The following MAPK8 variants were observed in gnomAD, a reference collection of about 807,000 sequenced individuals.
The protein encoded by MAPK8 is JUN N-terminal kinase.
In MAPK8, 13 loss-of-function variants were observed where a neutral mutation model predicts 52.9. That is an observed-to-expected ratio of 0.25 (90% CI 0.16 to 0.39). The LOEUF is 0.39. Ranked by LOEUF, MAPK8 falls within the 10% of genes least tolerant of loss-of-function variation. The pLI, the probability that MAPK8 is intolerant of heterozygous loss-of-function variation, is 1.00. For synonymous variants in MAPK8, 191 were observed against 169.8 expected (o/e 1.12, Z -0.97); for missense variants, 300 against 519.2 (o/e 0.58, Z 4.10).
At chr10:48,411,860 TTCCCC>T (rs201982590) in intron 5 of MAPK8, among the ~76,000 whole-genome samples, 2,580 of 117,766 alleles carry the variant, frequency 0.022, 111 homozygotes, top group African/African-American at 0.079. Flanking sequence ...CTCTCCTCTC[TTCCCC>T]TCCCCTCCCC....
At position 48,431,285 on chromosome 10, in the gene MAPK8, A is replaced by G; in HGVS notation, c.1138+15A>G. ...CTCTCCTTTAGGTTGGTTACAATAT[A>G]AGCTTGGTTAAGATTACAGTTTACT... On this transcript the variant is annotated intron_variant, in intron 11 of 11. Transcript: ENST00000374189. 6.4e-7 allele frequency: 1 copy of G among 1,571,350 alleles called. No homozygotes were observed. Among genetic ancestry groups the G allele is most frequent in the Non-Finnish European group, 8.7e-7 (1 of 1,144,570 alleles).
intron 1 of MAPK8, among the ~76,000 whole-genome samples, chr10:48,325,168 G>T (rs536507646): frequency 2.6e-5 from 4 of 152,098 alleles, no homozygotes; most frequent in Admixed American, 2.0e-4. Flanking sequence ...TAGAGATGGG[G>T]TTTCACCATA....
At chr10:48,312,986 T>G (rs1842117068) in intron 1 of MAPK8, among the ~76,000 whole-genome samples, 2 of 152,234 alleles carry the variant, frequency 1.3e-5, no homozygotes, top group South Asian at 2.1e-4. Flanking sequence ...AAGTATATAA[T>G]CCTTTGTTCA....
chr10:48,317,949 C>A (rs1409617673), intron 1 of MAPK8, among the ~76,000 whole-genome samples: 1 of 151,438 alleles, frequency 6.6e-6, no homozygotes, highest in Non-Finnish European at 1.5e-5. Flanking sequence ...ACCCCCCACC[C>A]CCCCAGCATT....
chr10:48,315,724 CT>C (rs541929649), intron 1 of MAPK8, among the ~76,000 whole-genome samples: 71 of 150,586 alleles, frequency 4.7e-4, no homozygotes, highest in African/African-American at 1.7e-3. Context: ...AATAAGCCCC[CT>C]GTAGAATATT....
Position 48,387,582 on chromosome 10 carries a change from A to G in MAPK8, c.-49-14030A>G, listed in dbSNP as rs543484563. ...GCTTATGGTAGTGACATTTTATTAT[A>G]CATGAATTTAACTTTTGAATATCCA... is the stretch of plus-strand genomic sequence containing the variant. On this transcript the variant is annotated intron_variant, in intron 1 of 11. Transcript: ENST00000374189. Among the ~76,000 whole-genome samples, 3 of 152,298 alleles carry G rather than the reference A, an allele frequency of 2.0e-5. No homozygotes were observed. The South Asian group carries it at 6.2e-4, about 32-fold the overall frequency.
intron 10 of MAPK8, among the ~76,000 whole-genome samples, chr10:48,429,173 G>C (rs1236969119): frequency 2.0e-5 from 3 of 152,018 alleles, no homozygotes; most frequent in Non-Finnish European, 2.9e-5. Context: ...GTGTTGTCCA[G>C]GTCATAGACT....
chr10:48,350,716 A>G (rs963789768), intron 1 of MAPK8, among the ~76,000 whole-genome samples: 1 of 152,220 alleles, frequency 6.6e-6, no homozygotes, highest in Admixed American at 6.5e-5. Context: ...CAAGGCAAGG[A>G]TGTCCTCTCT....
chr10:48,314,542 A>G lies in MAPK8; in HGVS notation c.-50+7721A>G, dbSNP rs190789778. On this transcript the variant is annotated intron_variant, in intron 1 of 11. Coordinates refer to ENST00000374189, the MANE Select transcript of MAPK8 (RefSeq NM_001323329.2). ...CATACGTCGTGTTGCACTTAAATGC[A>G]TAGGATAAATTTCCAGAGGTAGAGT... Among the ~76,000 whole-genome samples the G allele has an allele frequency of 1.2e-4, 19 of 152,332 alleles. 1 individual carries two copies. The highest frequency in any genetic ancestry group is 6.8e-3 in the Middle Eastern group (2 of 294).
At position 48,399,849 on chromosome 10, in the gene MAPK8, GTTTAAC is replaced by G. The variant is rs948709855; in HGVS notation, c.-49-1762_-49-1757del. Among the ~76,000 whole-genome samples, 158 of 152,272 alleles carry G rather than the reference GTTTAAC, an allele frequency of 1.0e-3. 1 individual carries two copies. The highest frequency in any genetic ancestry group is 3.6e-3 in the African/African-American group (150 of 41,558). Reference sequence around the variant, plus strand: ...GGTAGTCTGAATGCTTGGGTGGAAGGTTTAACCTTCCCAAAGGTGAAAACACCATCA... The same window carrying G: ...GGTAGTCTGAATGCTTGGGTGGAAGGCTTCCCAAAGGTGAAAACACCATCA... On this transcript the variant is annotated intron_variant, in intron 1 of 11. Transcript: ENST00000374189.
At chr10:48,356,841 C>CAAAAAAAAAAAAAAAAAAAAA (rs869186711) in intron 1 of MAPK8, among the ~76,000 whole-genome samples, 3 of 30,278 alleles carry the variant, frequency 9.9e-5, no homozygotes, top group Non-Finnish European at 2.0e-4. Flanking sequence ...GACTCCGTCT[C>CAAAAAAAAAAAAAAAAAAAAA]AAAAAAAAAA....
intron 1 of MAPK8, among the ~76,000 whole-genome samples, chr10:48,337,941 T>G (rs2132307502): frequency 6.6e-6 from 1 of 152,110 alleles, no homozygotes; most frequent in East Asian, 1.9e-4. Context: ...AGTTATAACG[T>G]TGAATACATA....
chr10:48,328,083 C>T (rs551681978), intron 1 of MAPK8, among the ~76,000 whole-genome samples: 1 of 152,246 alleles, frequency 6.6e-6, no homozygotes, highest in South Asian at 2.1e-4. Context: ...GTGGTGCGAT[C>T]TTGGCTCACT....
intron 1 of MAPK8, among the ~76,000 whole-genome samples, chr10:48,345,995 C>G (rs553918384): frequency 1.3e-4 from 20 of 152,322 alleles, no homozygotes; most frequent in Middle Eastern, 3.4e-3. Flanking sequence ...GACAACTCCT[C>G]ACTCCATAGT....
At chr10:48,343,674 A>C (rs1017284460) in intron 1 of MAPK8, among the ~76,000 whole-genome samples, 1 of 152,228 alleles carries the variant, frequency 6.6e-6, no homozygotes, top group Non-Finnish European at 1.5e-5. Context: ...GTTAGGAGTT[A>C]ATAAGGTGTT....
At chr10:48,408,821 T>G (rs1423223297) in intron 3 of MAPK8, among the ~76,000 whole-genome samples, 1 of 152,184 alleles carries the variant, frequency 6.6e-6, no homozygotes, top group Admixed American at 6.5e-5. Flanking sequence ...AAGATCAAGT[T>G]GCTGGTCAAT....
Position 48,309,203 on chromosome 10 carries a change from A to G in MAPK8, c.-50+2382A>G, listed in dbSNP as rs150298063. Among the ~76,000 whole-genome samples, 722 of 152,346 alleles carry G rather than the reference A, an allele frequency of 4.7e-3. 13 individuals are homozygous for G. The highest frequency in any genetic ancestry group is 0.02 in the Middle Eastern group (6 of 294). ...ATAGCTTTATTGCAATTTAATTGAC[A>G]TAAAATTCACCAGTTAGAGTGTATA... On this transcript the variant is annotated intron_variant, in intron 1 of 11. Transcript: ENST00000374189.
intron 11 of MAPK8, 151 bp downstream of exon 11, chr10:48,431,421 A>G (rs2133331578): frequency 1.7e-6 from 1 of 597,032 alleles, no homozygotes; most frequent in Non-Finnish European, 3.0e-6. Flanking sequence ...TGTTTTTTCT[A>G]CTAATACATT....
At chr10:48,393,210 C>T (rs377595330) in intron 1 of MAPK8, among the ~76,000 whole-genome samples, 30 of 151,974 alleles carry the variant, frequency 2.0e-4, no homozygotes, top group East Asian at 1.2e-3. Context: ...TATCTTTCAC[C>T]GAGACTACTC....
Sources: allele counts gnomAD v4.1 joint callset (sites outside exome capture counted in the v4.1 genomes callset), GRCh38; gene constraint gnomAD v4.1.1; transcripts MANE v1.5; gene names NCBI Gene and HGNC (gene_info 2026-07-23, HGNC 2026-07-21).